PCDHA6: variants seen among roughly 807,000 people sequenced by gnomAD.
PCDHA6 encodes protocadherin alpha 6, also known as protocadherin alpha-6.
In PCDHA6, 55 loss-of-function variants were observed where a neutral mutation model predicts 60.3. The ratio of observed to expected loss-of-function variants is 0.91; its 90% CI spans 0.73 to 1.14. PCDHA6 has a LOEUF of 1.14. PCDHA6 is among the 50% of genes most tolerant of loss of function. PCDHA6 has a pLI of 0.00. For missense variants in PCDHA6, 1,327 were observed against 1,256.5 expected (o/e 1.06, Z -0.85); for synonymous variants, 652 against 557.9 (o/e 1.17, Z -2.38).
chr5:140,994,892 G>A (rs1554254386), intron 3 of PCDHA6, among the ~76,000 whole-genome samples: 2 of 152,192 alleles, frequency 1.3e-5, no homozygotes, highest in Non-Finnish European at 2.9e-5. Flanking sequence ...TAGGAAATGA[G>A]ATCAGAAATG....
rs1554178015 is a variant in PCDHA6 at position 140,883,392 on chromosome 5, C to A, written c.2394+52907C>A. 1.9e-6 allele frequency: 3 copies of A among 1,614,184 alleles called. No individual in the cohort carries two copies. The East Asian group carries it at 6.7e-5, about 36-fold the overall frequency. ...GCCATTATTGCCCTAATCAGTGTGT[C>A]CGATCGTGACTCTGGCTCAAATGGA... is the stretch of plus-strand genomic sequence containing the variant. On this transcript the variant is annotated intron_variant, in intron 1 of 3. Transcript: ENST00000529310.
chr5:140,871,329 C>T (rs1164407502), intron 1 of PCDHA6: 3 of 1,614,060 alleles, frequency 1.9e-6, no homozygotes, highest in African/African-American at 2.7e-5. Flanking sequence ...TGTGCTCCCG[C>T]GCGGTGGGGA....
chr5:140,923,343 T>C (rs1251719779), intron 1 of PCDHA6, among the ~76,000 whole-genome samples: 1 of 152,122 alleles, frequency 6.6e-6, no homozygotes, highest in African/African-American at 2.4e-5. Flanking sequence ...TTGGGCAACA[T>C]AGTGGGACCC....
intron 1 of PCDHA6, chr5:140,968,723 GGTA>G (rs1199893104): frequency 9.3e-6 from 15 of 1,613,990 alleles, no homozygotes; most frequent in Non-Finnish European, 1.3e-5. Context: ...AGATGAGAGT[GGTA>G]GCACTTTCAA....
intron 1 of PCDHA6, among the ~76,000 whole-genome samples, chr5:140,964,926 A>G (rs2095863338): frequency 6.6e-6 from 1 of 152,212 alleles, no homozygotes; most frequent in African/African-American, 2.4e-5. Flanking sequence ...CTGGCTAGGT[A>G]GTGGAGCATT....
intron 1 of PCDHA6, among the ~76,000 whole-genome samples, chr5:140,916,395 G>A (rs2077556484): frequency 6.6e-6 from 1 of 152,180 alleles, no homozygotes; most frequent in African/African-American, 2.4e-5. Flanking sequence ...GGAATGTGCT[G>A]GATCACACCT....
chr5:141,000,485 T>C (rs2097941579), intron 3 of PCDHA6, among the ~76,000 whole-genome samples: 2 of 135,980 alleles, frequency 1.5e-5, no homozygotes, highest in African/African-American at 5.5e-5. Flanking sequence ...TGGAGTGCAA[T>C]GGTAAGATCT....
intron 1 of PCDHA6, chr5:140,858,460 C>T (rs1395067215): frequency 6.6e-7 from 1 of 1,525,828 alleles, no homozygotes; most frequent in African/African-American, 1.4e-5. Context: ...TTTTCATTTT[C>T]CTTTTGTGCT....
intron 1 of PCDHA6, chr5:140,930,576 T>C (rs1554207933): frequency 1.3e-5 from 2 of 152,582 alleles, no homozygotes; most frequent in Non-Finnish European, 2.9e-5. Flanking sequence ...TCTACGGTAT[T>C]ACTTTTTGAC....
Position 140,968,052 on chromosome 5 carries a change from G to A in PCDHA6, c.2395-10897G>A, listed in dbSNP as rs990784546. ...CTGGTGGTGAGCGGCCCACTGGACC[G>A]AGAGCGGGTGGCTGTCTACAACATC... On this transcript the variant is annotated intron_variant, in intron 1 of 3. Transcript: ENST00000529310. The A allele has an allele frequency of 5.0e-6, 8 of 1,614,014 alleles. No homozygotes were observed. In the Admixed American group the frequency reaches 5.0e-5, roughly 10 times the overall value.
intron 3 of PCDHA6, among the ~76,000 whole-genome samples, chr5:141,002,433 A>G (rs2098079655): frequency 6.6e-6 from 1 of 152,258 alleles, no homozygotes; most frequent in East Asian, 1.9e-4. Context: ...ACAGGCAATA[A>G]CCATAATAAT....
At position 140,877,676 on chromosome 5, in the gene PCDHA6, G is replaced by A. The variant is rs781985023; in HGVS notation, c.2394+47191G>A. ...CCCACCGTGAGCCGGTGCGCGCCGG[G>A]CAAGCCCACGCTGGTGTGCTCCAGC... On this transcript the variant is annotated intron_variant, in intron 1 of 3. Coordinates refer to ENST00000529310, the MANE Select transcript of PCDHA6 (RefSeq NM_018909.4). The A allele has an allele frequency of 8.7e-6, 14 of 1,613,488 alleles. No homozygotes were observed. The African/African-American group carries it at 1.2e-4, about 14-fold the overall frequency.
At chr5:140,983,807 G>GT (rs1418454252) in intron 3 of PCDHA6, among the ~76,000 whole-genome samples, 1 of 152,100 alleles carries the variant, frequency 6.6e-6, no homozygotes, top group East Asian at 1.9e-4. Flanking sequence ...TGTGTAAAAG[G>GT]TTTTTTCCCA....
intron 1 of PCDHA6, chr5:140,870,165 G>T (rs1223679164): frequency 1.2e-6 from 2 of 1,614,138 alleles, no homozygotes; most frequent in Non-Finnish European, 1.7e-6. Context: ...TGACTTCCTT[G>T]TCCCTCCCAG....
At chr5:140,918,309 T>C (rs2078629927) in intron 1 of PCDHA6, among the ~76,000 whole-genome samples, 1 of 152,186 alleles carries the variant, frequency 6.6e-6, no homozygotes, top group Non-Finnish European at 1.5e-5. Context: ...TAGGGTTTTC[T>C]AGGTATAAAA....
intron 1 of PCDHA6, among the ~76,000 whole-genome samples, chr5:140,831,493 A>G (rs1458083033): frequency 1.2e-5 from 1 of 84,180 alleles, no homozygotes; most frequent in Non-Finnish European, 2.4e-5. Context: ...TGGAGTTACT[A>G]CACACGAGCA....
At chr5:140,875,467 T>G in intron 1 of PCDHA6, 2 of 1,600,082 alleles carry the variant, frequency 1.2e-6, no homozygotes, top group Non-Finnish European at 1.7e-6. Flanking sequence ...GCCCTCATTT[T>G]CTGCAATGGT....
At chr5:140,877,729 C>G (rs1554170045) in intron 1 of PCDHA6, 2 of 1,614,168 alleles carry the variant, frequency 1.2e-6, no homozygotes, top group South Asian at 2.2e-5. Context: ...TTACTCGCAG[C>G]AGAGGAGGCA....
At chr5:140,871,151 C>A in intron 1 of PCDHA6, 1 of 1,613,328 alleles carries the variant, frequency 6.2e-7, no homozygotes, top group Non-Finnish European at 8.5e-7. Flanking sequence ...CGGACTTTGG[C>A]GGGCGCCGCG....
Sources: gnomAD v4.1 joint callset for allele counts (sites outside exome capture counted in the v4.1 genomes callset) on GRCh38, gnomAD v4.1.1 for gene constraint, MANE v1.5 for transcripts, NCBI Gene and HGNC (gene_info 2026-07-23, HGNC 2026-07-21) for gene names.